The following HROB variants were observed in gnomAD, a reference collection of about 807,000 sequenced individuals.
The protein encoded by HROB is homologous recombination factor with OB-fold, also known as homologous recombination OB-fold protein.
HROB carries 44 observed loss-of-function variants against 61.0 expected under a neutral mutation model. That is an observed-to-expected ratio of 0.72 (90% CI 0.57 to 0.93). The LOEUF (loss-of-function observed/expected upper bound fraction) is 0.93, where lower values mean the gene tolerates loss of function less well. Among genes scored for constraint, HROB ranks in the 40% least tolerant of loss-of-function variants. HROB has a pLI of 0.00. For synonymous variants in HROB, 301 were observed against 310.4 expected, an observed-to-expected ratio of 0.97 and a Z score of 0.32; for missense variants, 716 against 796.2, an observed-to-expected ratio of 0.90 and a Z score of 1.21.
At chr17:44,143,621 G>C in intron 1 of HROB, among the ~76,000 whole-genome samples, 1 of 151,788 alleles carries the variant, frequency 6.6e-6, no homozygotes. Context: ...TTCAGCCTGG[G>C]CAACAGAGCA....
At chr17:44,145,602 T>C (rs1217109785) in intron 2 of HROB, among the ~76,000 whole-genome samples, 2 of 152,222 alleles carry the variant, frequency 1.3e-5, no homozygotes, top group Non-Finnish European at 2.9e-5. Flanking sequence ...GCATAGTTAC[T>C]GGATGGCAGG....
rs763480229 is a variant in HROB at position 44,148,082 on chromosome 17, A to G, written c.279A>G (p.Pro93=). The change falls in exon 3 of 10, where the codon CCA becomes CCG. Residue 93 remains proline, a synonymous_variant. Coordinates refer to ENST00000585683, the MANE Select transcript of HROB (RefSeq NM_001171251.3). ...ASSTPSADSR[P]SCIGAAPLRP... is the part of the protein sequence containing the mutation. ...GCACGCCCAGTGCTGACAGCCGTCC[A>G]TCATGCATAGGAGCAGCTCCCCTAA... 1.2e-6 allele frequency: 2 copies of G among 1,614,188 alleles called. No homozygotes were observed. Among genetic ancestry groups the G allele is most frequent in the South Asian group, 1.1e-5 (1 of 91,082 alleles).
At chr17:44,161,080 TA>T (rs1344491361) in intron 9 of HROB, among the ~76,000 whole-genome samples, 1 of 151,494 alleles carries the variant, frequency 6.6e-6, no homozygotes, top group Non-Finnish European at 1.5e-5. Flanking sequence ...TGGGCGCCTG[TA>T]AGTCCCAGCT....
chr17:44,143,774 G>A (rs993395387), intron 1 of HROB, among the ~76,000 whole-genome samples: 1 of 152,084 alleles, frequency 6.6e-6, no homozygotes, highest in South Asian at 2.1e-4. Context: ...CTATGATCTT[G>A]CCACTGCACT....
chr17:44,158,025 G>C, intron 9 of HROB, 84 bp downstream of exon 9: 1 of 953,934 alleles, frequency 1.0e-6, no homozygotes, highest in Admixed American at 2.6e-5. Context: ...GCTATATCTT[G>C]TTCCTCTTTC....
intron 2 of HROB, chr17:44,147,635 C>T (rs991674445): frequency 7.5e-5 from 35 of 468,914 alleles, no homozygotes; most frequent in Non-Finnish European, 1.2e-4. Flanking sequence ...ACGGTTTCGC[C>T]ACGTTGGCCA....
Position 44,162,041 on chromosome 17 carries a change from C to CG in HROB, c.*115dup. 4 of 1,279,170 alleles carry CG rather than the reference C, an allele frequency of 3.1e-6. No individual in the cohort carries two copies. Among genetic ancestry groups the CG allele is most frequent in the Non-Finnish European group, 3.3e-6 (3 of 904,454 alleles). 79.2% of individuals were successfully genotyped at this position (1,279,170 alleles called of 1,614,324 possible). ...AGCATGATTGGAGAGTGGACACAGC[C>CG]GGGGGGCTTCTGTGGTTGCTCCCAC... On this transcript the variant is annotated 3_prime_UTR_variant, in exon 10 of 10. Coordinates refer to ENST00000585683, the MANE Select transcript of HROB (RefSeq NM_001171251.3).
chr17:44,159,574 A>G (rs1292380432), intron 9 of HROB, among the ~76,000 whole-genome samples: 1 of 152,194 alleles, frequency 6.6e-6, no homozygotes, highest in Non-Finnish European at 1.5e-5. Context: ...AGTGGCCCCA[A>G]ATGCCTGGAT....
chr17:44,159,415 G>A (rs1482122043), intron 9 of HROB, among the ~76,000 whole-genome samples: 9 of 152,208 alleles, frequency 5.9e-5, no homozygotes, highest in Non-Finnish European at 1.5e-5. Flanking sequence ...TTGGGTGCCA[G>A]ATGTAGGGTC....
rs749460836 is a variant in HROB at position 44,148,613 on chromosome 17, G to A, written c.810G>A (p.Pro270=). 22 of 1,613,326 alleles carry A rather than the reference G, an allele frequency of 1.4e-5. No individual in the cohort carries two copies. The highest frequency in any genetic ancestry group is 1.3e-4 in the South Asian group (12 of 91,084). The part of the protein sequence containing the change: ...PTQQLHWEVC[P]QRSPVQALQP... ...AGCAACTCCACTGGGAAGTCTGTCC[G>A]CAACGCTCCCCTGTTCAAGCACTTC... The change falls in exon 3 of 10, where the codon CCG becomes CCA. Residue 270 remains proline (P), a synonymous_variant. Transcript: ENST00000585683.
intron 9 of HROB, among the ~76,000 whole-genome samples, chr17:44,160,439 G>A (rs1462108752): frequency 6.6e-6 from 1 of 152,030 alleles, no homozygotes; most frequent in Non-Finnish European, 1.5e-5. Context: ...CGTGGTGGCG[G>A]GCGCCTGTAG....
intron 2 of HROB, 119 bp from the exon 3 acceptor site, chr17:44,147,739 A>C: frequency 9.6e-7 from 1 of 1,037,080 alleles, no homozygotes; most frequent in Non-Finnish European, 1.4e-6. Context: ...CCCGACCCTC[A>C]TGCTTTGGTT....
At chr17:44,155,090 C>A in intron 7 of HROB, 152 bp downstream of exon 7, 1 of 1,269,630 alleles carries the variant, frequency 7.9e-7, no homozygotes, top group Non-Finnish European at 1.1e-6. Flanking sequence ...AGGCCTGTGG[C>A]CCTTGAGCTG....
chr17:44,161,007 C>T (rs947218576), intron 9 of HROB, among the ~76,000 whole-genome samples: 1 of 152,136 alleles, frequency 6.6e-6, no homozygotes, highest in African/African-American at 2.4e-5. Context: ...TCAAGACCAT[C>T]TTGGCTAACA....
chr17:44,157,572 C>T (rs2054009912), intron 8 of HROB, among the ~76,000 whole-genome samples: 1 of 151,942 alleles, frequency 6.6e-6, no homozygotes, highest in African/African-American at 2.4e-5. Flanking sequence ...TGCCACCATG[C>T]CCGGCTCTGT....
chr17:44,160,083 C>A (rs1049073748), intron 9 of HROB, among the ~76,000 whole-genome samples: 1 of 152,226 alleles, frequency 6.6e-6, no homozygotes, highest in African/African-American at 2.4e-5. Flanking sequence ...GGGTGCCTTA[C>A]CAGGCACTGG....
rs751174062 is a variant in HROB at position 44,161,910 on chromosome 17, T to C, written c.1919T>C (p.Phe640Ser). The C allele has an allele frequency of 6.2e-7, 1 of 1,614,080 alleles. No homozygotes were observed. Among genetic ancestry groups the C allele is most frequent in the Non-Finnish European group, 8.5e-7 (1 of 1,179,916 alleles). ...CTCCTGAGTGAGCTTCCTGAAGACT[T>C]CTTCTGTGGGACCAGTAGTTGAGAC... ...DGLLSELPED[F>S]FCGTSS is the part of the protein sequence containing the mutation. Residue 640 changes from phenylalanine to serine, a missense_variant, in exon 10 of 10, where the codon TTC becomes TCC. Physicochemically the swap from Phe to Ser is radical, Grantham distance 155. Transcript: ENST00000585683.
intron 1 of HROB, among the ~76,000 whole-genome samples, chr17:44,144,270 G>T (rs1286513267): frequency 6.6e-6 from 1 of 152,064 alleles, no homozygotes; most frequent in Non-Finnish European, 1.5e-5. Flanking sequence ...CTCCTGAGTA[G>T]CTGGGATTAC....
Position 44,148,349 on chromosome 17 carries a change from C to T in HROB, c.546C>T (p.Ala182=). The change falls in exon 3 of 10, where the codon GCC becomes GCT. Residue 182 remains alanine, a synonymous_variant. Transcript: ENST00000585683. ...MELECGVSSE[A]IPILPAQQRE... is the part of the protein sequence containing the mutation. Reference sequence around the variant, plus strand: ...TGGAATGTGGAGTCAGCAGTGAGGCCATACCAATCCTGCCTGCCCAGCAGC... The same window carrying T: ...TGGAATGTGGAGTCAGCAGTGAGGCTATACCAATCCTGCCTGCCCAGCAGC... 4.3e-6 allele frequency: 7 copies of T among 1,614,114 alleles called. No homozygotes were observed. Among genetic ancestry groups the T allele is most frequent in the Non-Finnish European group, 4.2e-6 (5 of 1,180,006 alleles).
Sources: allele counts gnomAD v4.1 joint callset (sites outside exome capture counted in the v4.1 genomes callset), GRCh38; gene constraint gnomAD v4.1.1; transcripts MANE v1.5; gene names NCBI Gene and HGNC (gene_info 2026-07-23, HGNC 2026-07-21).